The following SLC15A4 variants were observed in gnomAD, a reference collection of about 807,000 sequenced individuals.
The protein encoded by SLC15A4 is solute carrier family 15 member 4.
In SLC15A4, 26 loss-of-function variants were observed where a neutral mutation model predicts 46.1. The ratio of observed to expected loss-of-function variants is 0.56; its 90% CI spans 0.41 to 0.78. The LOEUF is 0.78. Among genes scored for constraint, SLC15A4 ranks in the 30% least tolerant of loss-of-function variants. The probability of loss-of-function intolerance (pLI) is 0.00; values close to 1 mark genes in which losing one functional copy is unlikely to be tolerated. For synonymous variants in SLC15A4, 370 were observed against 333.4 expected (o/e 1.11, Z -1.20); for missense variants, 751 against 755.7 (o/e 0.99, Z 0.07).
chr12:128,814,173 AAG>A (rs1955705520), intron 2 of SLC15A4: 1 of 31,408 alleles, frequency 3.2e-5, no homozygotes, highest in South Asian at 7.4e-4. Flanking sequence ...CCTTCCTGTC[AAG>A]AGTTACAGAC....
chr12:128,823,706 G>A lies in SLC15A4; in HGVS notation c.238C>T (p.Leu80Phe), dbSNP rs772825687. 3 of 1,529,838 alleles carry A rather than the reference G, an allele frequency of 2.0e-6. No individual in the cohort carries two copies. The highest frequency in any genetic ancestry group is 2.6e-6 in the Non-Finnish European group (3 of 1,146,822). The allele number at this position is 1,529,838 out of a possible 1,614,324, so 94.8% of individuals were successfully genotyped here. A position where few individuals can be genotyped will look rare whatever the true frequency, so the allele number is the denominator to read the frequency against. The change falls in exon 1 of 8, where the codon CTC (leucine) becomes TTC (phenylalanine). Residue 80 changes from leucine to phenylalanine, a missense_variant. Transcript: ENST00000266771. ...EGAQASEALL[L>F]FMGLTYLGSP... ...CCCAGGTAGGTGAGGCCCATGAAGA[G>A]CAGCAGCGCCTCGCTGGCCTGCGCG...
intron 7 of SLC15A4, among the ~76,000 whole-genome samples, chr12:128,794,730 G>A (rs560281377): frequency 6.6e-6 from 1 of 152,278 alleles, no homozygotes; most frequent in Admixed American, 6.5e-5. Flanking sequence ...GTGGTGAAGG[G>A]GACAGTGTCG....
At chr12:128,808,692 G>A (rs530031546) in intron 5 of SLC15A4, 96 bp downstream of exon 5, 1 of 1,280,580 alleles carries the variant, frequency 7.8e-7, no homozygotes, top group African/African-American at 1.5e-5. Flanking sequence ...TGCACTTCCT[G>A]AACAACCTGG....
chr12:128,818,363 G>T (rs1955787727), intron 1 of SLC15A4, among the ~76,000 whole-genome samples: 1 of 152,164 alleles, frequency 6.6e-6, no homozygotes, highest in Non-Finnish European at 1.5e-5. Context: ...GCTCTACCTG[G>T]GAGATGAAGA....
Position 128,818,219 on chromosome 12 carries a change from G to C in SLC15A4, c.547-3149C>G, listed in dbSNP as rs1477130207. Among the ~76,000 whole-genome samples, 3 of 152,014 alleles carry C rather than the reference G, an allele frequency of 2.0e-5. No individual in the cohort carries two copies. The South Asian group carries it at 6.3e-4, about 32-fold the overall frequency. Reference sequence around the variant, plus strand: ...GAAACACTGGGGGAAGATACGGCCTGACATGATTTACACGAACATACGTCT... The same window carrying C: ...GAAACACTGGGGGAAGATACGGCCTCACATGATTTACACGAACATACGTCT... On this transcript the variant is annotated intron_variant, in intron 1 of 7. Coordinates refer to ENST00000266771, the MANE Select transcript of SLC15A4 (RefSeq NM_145648.4).
chr12:128,821,646 G>T (rs766617775), intron 1 of SLC15A4, among the ~76,000 whole-genome samples: 19 of 152,154 alleles, frequency 1.2e-4, no homozygotes, highest in African/African-American at 4.3e-4. Context: ...CCAGCACTTT[G>T]GGAGGCCGAG....
At chr12:128,817,017 T>C (rs1321477431) in intron 1 of SLC15A4, among the ~76,000 whole-genome samples, 4 of 152,252 alleles carry the variant, frequency 2.6e-5, no homozygotes, top group Admixed American at 2.0e-4. Flanking sequence ...AAAAAGAGAT[T>C]TGTTTGAAGT....
At chr12:128,814,615 C>T (rs967953480) in intron 2 of SLC15A4, 160 bp downstream of exon 2, 25 of 720,236 alleles carry the variant, frequency 3.5e-5, no homozygotes, top group African/African-American at 2.3e-4. Flanking sequence ...AGACCGCACC[C>T]GCCTCCTTGG....
At chr12:128,796,250 C>T (rs983471416) in intron 7 of SLC15A4, among the ~76,000 whole-genome samples, 1 of 151,874 alleles carries the variant, frequency 6.6e-6, no homozygotes. Context: ...ACGATGAAAC[C>T]CCGTCTCTAC....
At chr12:128,805,982 C>A (rs1011136405) in intron 5 of SLC15A4, among the ~76,000 whole-genome samples, 1 of 151,464 alleles carries the variant, frequency 6.6e-6, no homozygotes, top group Admixed American at 6.6e-5. Context: ...GAGATCGAGA[C>A]CACGATGAAA....
intron 2 of SLC15A4, chr12:128,813,195 T>G (rs1335453838): frequency 1.3e-5 from 2 of 151,904 alleles, no homozygotes; most frequent in Non-Finnish European, 2.9e-5. Flanking sequence ...ATTTTTTTTT[T>G]TTTTTTTTGA....
At chr12:128,804,930 A>C (rs1224402417) in intron 5 of SLC15A4, among the ~76,000 whole-genome samples, 1 of 152,202 alleles carries the variant, frequency 6.6e-6, no homozygotes, top group Admixed American at 6.5e-5. Context: ...CGCCAAAAAC[A>C]ACCGCAGACG....
At chr12:128,800,406 C>T (rs1014677868) in intron 6 of SLC15A4, among the ~76,000 whole-genome samples, 2 of 152,218 alleles carry the variant, frequency 1.3e-5, no homozygotes, top group Non-Finnish European at 2.9e-5. Context: ...CCAGAATACA[C>T]TTGTTCAACC....
intron 1 of SLC15A4, 27 bp downstream of exon 1, chr12:128,823,371 G>A (rs977451392): frequency 1.1e-5 from 15 of 1,384,584 alleles, no homozygotes; most frequent in East Asian, 3.0e-5. Context: ...GACAGGGACA[G>A]GGACAGCGCG....
intron 7 of SLC15A4, among the ~76,000 whole-genome samples, chr12:128,797,352 C>T (rs1178426516): frequency 1.3e-5 from 2 of 151,934 alleles, no homozygotes; most frequent in African/African-American, 4.8e-5. Context: ...CGAGGGTAAC[C>T]TGTGGGGACC....
chr12:128,794,281 A>G lies in SLC15A4; in HGVS notation c.1649T>C (p.Phe550Ser), dbSNP rs552468714. The change falls in exon 8 of 8, where the codon TTC becomes TCC. Residue 550 changes from phenylalanine to serine, a missense_variant. Coordinates refer to ENST00000266771, the MANE Select transcript of SLC15A4 (RefSeq NM_145648.4). Reference sequence around the variant, plus strand: ...GTCATATTTCACAGAAATAATGAGGAAAAGCAGGAGGGTAGCTCCTTGAAT... The same window carrying G: ...GTCATATTTCACAGAAATAATGAGGGAAAGCAGGAGGGTAGCTCCTTGAAT... ...AAIQGATLLL[F>S]LIISVKYDHH... The G allele has an allele frequency of 1.7e-4, 269 of 1,613,974 alleles. 2 individuals carry two copies. The South Asian group carries it at 2.4e-3, about 15-fold the overall frequency.
At chr12:128,821,801 G>A (rs997443254) in intron 1 of SLC15A4, among the ~76,000 whole-genome samples, 3 of 150,772 alleles carry the variant, frequency 2.0e-5, no homozygotes, top group East Asian at 1.9e-4. Context: ...CAGGAGAATC[G>A]CTTGAACTCA....
rs148385205 is a variant in SLC15A4, at chr12:128,820,224, G to A, written c.546+3174C>T. Among the ~76,000 whole-genome samples, 113 of 152,284 alleles carry A rather than the reference G, an allele frequency of 7.4e-4. No individual in the cohort carries two copies. In the East Asian group the frequency reaches 0.015, roughly 21 times the overall value. On this transcript the variant is annotated intron_variant, in intron 1 of 7. Transcript: ENST00000266771. The stretch of plus-strand genomic sequence containing the variant: ...CAGCCCTGCAGAACCATTACGGAAC[G>A]CACGCACACTGGGCCCATCTTAGTG...
At chr12:128,820,436 C>T (rs534192622) in intron 1 of SLC15A4, among the ~76,000 whole-genome samples, 11 of 152,334 alleles carry the variant, frequency 7.2e-5, no homozygotes, top group African/African-American at 2.2e-4. Context: ...AACCCAGTTC[C>T]AATTCAGTAC....
Sources: gnomAD v4.1 joint callset for allele counts (sites outside exome capture counted in the v4.1 genomes callset) on GRCh38, gnomAD v4.1.1 for gene constraint, MANE v1.5 for transcripts, NCBI Gene and HGNC (gene_info 2026-07-23, HGNC 2026-07-21) for gene names.